The following LHPP variants were observed in gnomAD, a reference collection of about 807,000 sequenced individuals.
LHPP encodes hLHPP.
LHPP carries 24 observed loss-of-function variants against 30.3 expected under a neutral mutation model. The ratio of observed to expected loss-of-function variants is 0.79; its 90% CI spans 0.57 to 1.11. The LOEUF (loss-of-function observed/expected upper bound fraction) is 1.11. LHPP is among the 50% of genes most tolerant of loss of function. The pLI, the probability that LHPP is intolerant of heterozygous loss-of-function variation, is 0.00. For missense variants in LHPP, 356 were observed against 367.2 expected (o/e 0.97, Z 0.25); for synonymous variants, 150 against 157.1 (o/e 0.95, Z 0.34).
chr10:124,575,008 C>T (rs1311113536), intron 6 of LHPP, among the ~76,000 whole-genome samples: 1 of 152,210 alleles, frequency 6.6e-6, no homozygotes, highest in Non-Finnish European at 1.5e-5. Flanking sequence ...GCCATGCAAC[C>T]TCCCCCTTGC....
intron 6 of LHPP, among the ~76,000 whole-genome samples, chr10:124,549,981 C>T (rs1303485972): frequency 6.7e-6 from 1 of 148,400 alleles, no homozygotes; most frequent in Non-Finnish European, 1.5e-5. Context: ...GCTGGCCTCG[C>T]AGGGACTGGG....
chr10:124,498,457 A>C, intron 5 of LHPP: 1 of 1,493,890 alleles, frequency 6.7e-7, no homozygotes, highest in Non-Finnish European at 8.9e-7. Context: ...AAGACAGTGT[A>C]ACAGCAAGAT....
intron 1 of LHPP, among the ~76,000 whole-genome samples, chr10:124,473,422 C>G (rs1227289944): frequency 1.3e-5 from 2 of 152,174 alleles, no homozygotes; most frequent in African/African-American, 4.8e-5. Flanking sequence ...TCTGCCAGGG[C>G]AGGCACCACC....
chr10:124,464,946 G>T (rs1952515251), intron 1 of LHPP, among the ~76,000 whole-genome samples: 1 of 152,182 alleles, frequency 6.6e-6, no homozygotes, highest in East Asian at 1.9e-4. Flanking sequence ...ATCAGTAGGG[G>T]AGTATTAGGG....
chr10:124,465,736 T>C (rs1952535592), intron 1 of LHPP, among the ~76,000 whole-genome samples: 1 of 152,156 alleles, frequency 6.6e-6, no homozygotes, highest in Admixed American at 6.5e-5. Flanking sequence ...TAATTTTTGG[T>C]ATTTTTAGTA....
chr10:124,549,355 C>A (rs1389355898), intron 6 of LHPP, among the ~76,000 whole-genome samples: 2 of 151,902 alleles, frequency 1.3e-5, no homozygotes, highest in African/African-American at 4.8e-5. Flanking sequence ...ATCACTTGAG[C>A]TCAGGAGTTC....
chr10:124,520,644 A>G (rs539047786), intron 6 of LHPP, among the ~76,000 whole-genome samples: 25 of 152,312 alleles, frequency 1.6e-4, no homozygotes, highest in African/African-American at 5.1e-4. Flanking sequence ...AGCTTGGCTA[A>G]GGTAGGGACC....
intron 6 of LHPP, among the ~76,000 whole-genome samples, chr10:124,539,022 C>T (rs1016091173): frequency 5.3e-5 from 8 of 152,184 alleles, no homozygotes; most frequent in Non-Finnish European, 1.0e-4. Context: ...CTTGCAGCAA[C>T]GTTGGCAGAT....
intron 5 of LHPP, among the ~76,000 whole-genome samples, chr10:124,500,602 A>G (rs1242614844): frequency 2.0e-5 from 3 of 151,954 alleles, no homozygotes; most frequent in East Asian, 1.9e-4. Flanking sequence ...GGATGTAAAT[A>G]CAATACATTA....
chr10:124,546,436 T>C (rs552892667), intron 6 of LHPP, among the ~76,000 whole-genome samples: 1 of 152,356 alleles, frequency 6.6e-6, no homozygotes, highest in East Asian at 1.9e-4. Context: ...GGAGTCTCAC[T>C]CTGTCGCCCA....
In LHPP at chr10:124,539,478, T is replaced by G. The variant is rs147166763; in HGVS notation, c.716+22207T>G. 2.1e-3 allele frequency among the ~76,000 whole-genome samples: 316 copies of G among 152,160 alleles called. 4 individuals carry two copies. The highest frequency in any genetic ancestry group is 7.0e-3 in the African/African-American group (289 of 41,520). ...CATCTCTACTACAAGTACAAAAATT[T>G]GGCCGGGCATGGTGGCTCATGCTTG... On this transcript the variant is annotated intron_variant, in intron 6 of 6. Transcript: ENST00000368842.
Position 124,484,335 on chromosome 10 carries a change from G to C in LHPP, c.313+9G>C, listed in dbSNP as rs748263993. Reference sequence around the variant, plus strand: ...CCTGCTCATCCATGACGGTAGGCCTGTCGGACACCAGGACCTCACGGGGGT... The same window carrying C: ...CCTGCTCATCCATGACGGTAGGCCTCTCGGACACCAGGACCTCACGGGGGT... On this transcript the variant is annotated intron_variant, in intron 2 of 6. Transcript: ENST00000368842. 1.7e-5 allele frequency: 27 copies of C among 1,607,310 alleles called. No homozygotes were observed. In the East Asian group the frequency reaches 4.9e-4, roughly 29 times the overall value.
intron 6 of LHPP, among the ~76,000 whole-genome samples, chr10:124,554,313 G>T (rs912749240): frequency 6.6e-6 from 1 of 152,144 alleles, no homozygotes; most frequent in Admixed American, 6.5e-5. Context: ...CGCCTCCTGG[G>T]TAGGATGCAT....
chr10:124,564,388 G>C (rs1948455697), intron 6 of LHPP, among the ~76,000 whole-genome samples: 1 of 152,006 alleles, frequency 6.6e-6, no homozygotes, highest in Admixed American at 6.6e-5. Flanking sequence ...CTCCCAAAGT[G>C]CTGGGATTGC....
intron 6 of LHPP, among the ~76,000 whole-genome samples, chr10:124,599,512 G>A (rs1948995233): frequency 6.6e-6 from 1 of 152,194 alleles, no homozygotes; most frequent in Non-Finnish European, 1.5e-5. Flanking sequence ...AGGCTTGCAG[G>A]TGGAGCAGCC....
intron 5 of LHPP, among the ~76,000 whole-genome samples, chr10:124,515,947 C>T (rs1954441280): frequency 6.6e-6 from 1 of 152,260 alleles, no homozygotes; most frequent in South Asian, 2.1e-4. Flanking sequence ...ATCTCCACAG[C>T]TCTTTCTCCA....
At chr10:124,572,577 A>G (rs1251243179) in intron 6 of LHPP, among the ~76,000 whole-genome samples, 1 of 151,690 alleles carries the variant, frequency 6.6e-6, no homozygotes, top group Non-Finnish European at 1.5e-5. Context: ...GTTGCAGTAA[A>G]CCGAGATCAC....
intron 6 of LHPP, among the ~76,000 whole-genome samples, chr10:124,582,493 C>G (rs1455600604): frequency 6.6e-6 from 1 of 152,182 alleles, no homozygotes; most frequent in Admixed American, 6.5e-5. Context: ...TTTACAGGTA[C>G]AGTTGACCCT....
intron 1 of LHPP, among the ~76,000 whole-genome samples, chr10:124,466,947 AC>A (rs71026090): frequency 0.49 from 73,867 of 150,434 alleles, 18,665 homozygotes; most frequent in East Asian, 0.65. Flanking sequence ...ACACAGCGAG[AC>A]CCCCATCTCT....
Sources: allele counts gnomAD v4.1 joint callset (sites outside exome capture counted in the v4.1 genomes callset), GRCh38; gene constraint gnomAD v4.1.1; transcripts MANE v1.5; gene names NCBI Gene and HGNC (gene_info 2026-07-23, HGNC 2026-07-21).